AGO3: variants seen among roughly 807,000 people sequenced by gnomAD.
The protein encoded by AGO3 is argonaute RISC catalytic component 3.
AGO3 carries 16 observed loss-of-function variants against 105.5 expected under a neutral mutation model. The observed-to-expected ratio is 0.15, with a 90% CI of 0.10 to 0.23. AGO3 has a LOEUF of 0.23. AGO3 is among the 10% of genes least tolerant of loss of function. The pLI is 1.00. For synonymous variants in AGO3, 340 were observed against 367.3 expected, an observed-to-expected ratio of 0.93 and a Z score of 0.85; for missense variants, 534 against 1,088.0, an observed-to-expected ratio of 0.49 and a Z score of 7.16.
intron 5 of AGO3, among the ~76,000 whole-genome samples, chr1:35,987,023 G>A (rs1217307652): frequency 1.4e-5 from 2 of 146,106 alleles, no homozygotes; most frequent in Non-Finnish European, 3.0e-5. Context: ...AGAAAATGTT[G>A]GGGGTGAGTA....
chr1:36,006,576 C>T (rs1281800292), intron 6 of AGO3, among the ~76,000 whole-genome samples: 6 of 152,110 alleles, frequency 3.9e-5, no homozygotes, highest in Non-Finnish European at 7.4e-5. Context: ...GTGTTCTCCC[C>T]TGAACATAAT....
chr1:35,954,524 A>G (rs1290501481), intron 2 of AGO3, among the ~76,000 whole-genome samples: 1 of 152,198 alleles, frequency 6.6e-6, no homozygotes, highest in African/African-American at 2.4e-5. Context: ...CATTTATCTG[A>G]ACTTACCACA....
At chr1:35,960,550 G>A (rs1319451931) in intron 2 of AGO3, among the ~76,000 whole-genome samples, 1 of 151,906 alleles carries the variant, frequency 6.6e-6, no homozygotes, top group Non-Finnish European at 1.5e-5. Flanking sequence ...GCTCACACAT[G>A]TAATCTCAAC....
chr1:36,059,151 A>C lies in AGO3; in HGVS notation c.*3406A>C, dbSNP rs540010724. On this transcript the variant is annotated 3_prime_UTR_variant, in exon 19 of 19. Transcript: ENST00000373191. ...CTAAATTATAAAGCTTTACCTTTTG[A>C]GTGATTTCTTTTTTAGAGTGCTCTT... 1 of 152,172 alleles carries C rather than the reference A, an allele frequency of 6.6e-6. No individual in the cohort carries two copies. Among genetic ancestry groups the C allele is most frequent in the Non-Finnish European group, 1.5e-5 (1 of 67,972 alleles). 9.4% of individuals were successfully genotyped at this position (152,172 alleles called of 1,614,324 possible).
chr1:35,930,805 T>G (rs1646024759), upstream of AGO3: 1 of 167,486 alleles, frequency 6.0e-6, no homozygotes, highest in African/African-American at 2.4e-5. Flanking sequence ...CCAGGTAGGC[T>G]ACTCCTCAGG....
chr1:35,994,031 A>G (rs1648003555), intron 5 of AGO3, among the ~76,000 whole-genome samples: 1 of 138,252 alleles, frequency 7.2e-6, no homozygotes, highest in Non-Finnish European at 1.5e-5. Flanking sequence ...TGCGTGAGCC[A>G]CTGCGCCCAG....
rs1643120375 is a variant in AGO3 at position 36,068,313 on chromosome 1, C to G, written c.*12568C>G. The stretch of plus-strand genomic sequence containing the variant: ...GGAATTTTTTGCTGGCTATAGAATG[C>G]TAATGTGAACAGAGTATATATCAGG... On this transcript the variant is annotated 3_prime_UTR_variant, in exon 19 of 19. Transcript: ENST00000373191. The G allele has an allele frequency of 6.6e-6, 1 of 152,108 alleles. No homozygotes were observed. Among genetic ancestry groups the G allele is most frequent in the South Asian group, 2.1e-4 (1 of 4,828 alleles). 9.4% of individuals were successfully genotyped at this position (152,108 alleles called of 1,614,324 possible).
At position 36,055,082 on chromosome 1, in the gene AGO3, C is replaced by T. The variant is rs1330177603; in HGVS notation, c.2411C>T (p.Ala804Val). The change falls in exon 18 of 19, where the codon GCG becomes GTG. Residue 804 changes from alanine to valine, a missense_variant. Coordinates refer to ENST00000373191, the MANE Select transcript of AGO3 (RefSeq NM_024852.4). This position sits in a 1 kb window ranked among gnomAD's most constrained non-coding sequence, Gnocchi z 4.4. Reference protein sequence around the residue: ...CTRSVSIPAPAYYAHLVAFRA... With the variant: ...CTRSVSIPAPVYYAHLVAFRA... ...CGATCTGTTTCTATACCTGCACCAGCGTATTATGCTCACCTGGTAGCATTT... is the reference window on the plus strand; with the variant it reads ...CGATCTGTTTCTATACCTGCACCAGTGTATTATGCTCACCTGGTAGCATTT... 6.8e-6 allele frequency: 11 copies of T among 1,613,752 alleles called. 1 individual carries two copies. The highest frequency in any genetic ancestry group is 2.7e-5 in the African/African-American group (2 of 74,896).
At chr1:35,982,814 A>G in intron 5 of AGO3, 1 of 545,652 alleles carries the variant, frequency 1.8e-6, no homozygotes, top group East Asian at 3.0e-5. Flanking sequence ...TGGGTGTAGT[A>G]CTGGTACATG....
chr1:36,053,714 G>A (rs1348871118), intron 17 of AGO3, among the ~76,000 whole-genome samples: 2 of 149,788 alleles, frequency 1.3e-5, no homozygotes, highest in African/African-American at 4.9e-5. Flanking sequence ...ACCTAGCTGG[G>A]ACTACAGGTC....
rs1225664546 is a variant in AGO3 at position 36,056,675 on chromosome 1, A to G, written c.*930A>G. 6.6e-6 allele frequency: 1 copy of G among 150,634 alleles called. No individual in the cohort carries two copies. The highest frequency in any genetic ancestry group is 1.5e-5 in the Non-Finnish European group (1 of 67,638). The allele number at this position is 150,634 out of a possible 1,614,324, so 9.3% of individuals were successfully genotyped here. A position where few individuals can be genotyped will look rare whatever the true frequency, so the allele number is the denominator to read the frequency against. On this transcript the variant is annotated 3_prime_UTR_variant, in exon 19 of 19. Transcript: ENST00000373191. ...CTCCCACTCAGAACATACATTTACC[A>G]TTTGCGCAATTTGTATATAAGCAGT...
intron 5 of AGO3, among the ~76,000 whole-genome samples, chr1:35,996,423 A>G (rs1569685574): frequency 6.6e-6 from 1 of 152,152 alleles, no homozygotes; most frequent in African/African-American, 2.4e-5. Flanking sequence ...AAAATTGTAC[A>G]TAACTCAGTA....
chr1:35,995,004 G>C (rs927817529), intron 5 of AGO3, among the ~76,000 whole-genome samples: 4 of 151,690 alleles, frequency 2.6e-5, no homozygotes, highest in Non-Finnish European at 5.9e-5. Flanking sequence ...TTTGCGACCA[G>C]CCTGGGCAAC....
Position 36,061,064 on chromosome 1 carries a change from C to CA in AGO3, c.*5325dup, listed in dbSNP as rs1226020574. ...GAAATCAGAAAGTGAGAATTTTCTC[C>CA]AAAAAATCTTTTTAAAAAAGTCCTG... On this transcript the variant is annotated 3_prime_UTR_variant, in exon 19 of 19. Coordinates refer to ENST00000373191, the MANE Select transcript of AGO3 (RefSeq NM_024852.4). The CA allele has an allele frequency of 3.9e-5, 6 of 151,994 alleles. No individual in the cohort carries two copies. Among genetic ancestry groups the CA allele is most frequent in the African/African-American group, 1.4e-4 (6 of 41,388 alleles). 9.4% of individuals were successfully genotyped at this position (151,994 alleles called of 1,614,324 possible).
chr1:36,037,882 A>T (rs1225626237), intron 14 of AGO3, among the ~76,000 whole-genome samples: 1 of 152,224 alleles, frequency 6.6e-6, no homozygotes, highest in East Asian at 1.9e-4. Flanking sequence ...AGGTTTAAGC[A>T]TATTTTAATT....
At chr1:35,994,042 A>ATTT (rs759085356) in intron 5 of AGO3, among the ~76,000 whole-genome samples, 1,166 of 65,836 alleles carry the variant, frequency 0.018, 167 homozygotes, top group African/African-American at 0.027. Flanking sequence ...CTGCGCCCAG[A>ATTT]TTTTTTTTTT....
chr1:35,973,356 G>A lies in AGO3; in HGVS notation c.522-19G>A. The stretch of plus-strand genomic sequence containing the variant: ...GCATGAGAAGGAAAGGATTGAACAT[G>A]CCATTTTAATTTTTGTAGATACACA... On this transcript the variant is annotated intron_variant, in intron 4 of 18. Coordinates refer to ENST00000373191, the MANE Select transcript of AGO3 (RefSeq NM_024852.4). 1 of 1,475,778 alleles carries A rather than the reference G, an allele frequency of 6.8e-7. No homozygotes were observed. The highest frequency in any genetic ancestry group is 9.1e-7 in the Non-Finnish European group (1 of 1,099,912). The allele number at this position is 1,475,778 out of a possible 1,614,324, so 91.4% of individuals were successfully genotyped here.
chr1:35,936,294 T>C (rs1472620000), intron 1 of AGO3, among the ~76,000 whole-genome samples: 2 of 152,122 alleles, frequency 1.3e-5, no homozygotes. Flanking sequence ...AGCAAAACCT[T>C]GTCACACAAC....
chr1:35,999,499 G>T (rs533765923), intron 5 of AGO3, among the ~76,000 whole-genome samples: 1 of 152,210 alleles, frequency 6.6e-6, no homozygotes, highest in East Asian at 1.9e-4. Context: ...TACATGAATA[G>T]GGTGTATTAT....
Sources: allele counts gnomAD v4.1 joint callset (sites outside exome capture counted in the v4.1 genomes callset), GRCh38; gene constraint gnomAD v4.1.1; non-coding constraint Gnocchi (gnomAD v3.1); transcripts MANE v1.5; gene names NCBI Gene and HGNC (gene_info 2026-07-23, HGNC 2026-07-21).